AP2A1: variants seen among roughly 807,000 people sequenced by gnomAD.
The protein encoded by AP2A1 is adaptor related protein complex 2 subunit alpha 1.
Under a neutral mutation model 107.3 loss-of-function variants are expected in AP2A1, and 21 were observed. The ratio of observed to expected loss-of-function variants is 0.20; its 90% CI spans 0.14 to 0.28. The LOEUF is 0.28. Ranked by LOEUF, AP2A1 falls within the 10% of genes least tolerant of loss-of-function variation. The pLI is 1.00. For missense variants in AP2A1, 873 were observed against 1,307.7 expected, an observed-to-expected ratio of 0.67 and a Z score of 5.13; for synonymous variants, 602 against 564.8, an observed-to-expected ratio of 1.07 and a Z score of -0.93.
In AP2A1 at chr19:49,781,440, G is replaced by C. The variant is rs529606968; in HGVS notation, c.68-317G>C. On this transcript the variant is annotated intron_variant, in intron 1 of 22. Coordinates refer to ENST00000354293, the MANE Select transcript of AP2A1 (RefSeq NM_130787.3). ...CATGTTCATCGCATGTGGGGAGTGG[G>C]GACAGGAGCTCTCAGGGAGCGTGTC... 2.6e-5 allele frequency among the ~76,000 whole-genome samples: 4 copies of C among 152,268 alleles called. No individual in the cohort carries two copies. In the South Asian group the frequency reaches 8.3e-4, roughly 32 times the overall value.
intron 15 of AP2A1, chr19:49,802,678 C>A: frequency 7.4e-7 from 1 of 1,350,384 alleles, no homozygotes; most frequent in South Asian, 1.5e-5. Flanking sequence ...GGACTGGGAG[C>A]CCTCGTCAAC....
chr19:49,778,654 GC>G (rs2084641498), intron 1 of AP2A1, among the ~76,000 whole-genome samples: 2 of 152,130 alleles, frequency 1.3e-5, no homozygotes, highest in Admixed American at 1.3e-4. Context: ...AAGTATTTGT[GC>G]ATCTAAACAT....
chr19:49,805,239 A>G (rs2073348782), intron 18 of AP2A1: 1 of 531,318 alleles, frequency 1.9e-6, no homozygotes, highest in Non-Finnish European at 3.3e-6. Context: ...GCGGTGTGAC[A>G]TTGTGGAAGG....
intron 4 of AP2A1, among the ~76,000 whole-genome samples, chr19:49,790,654 C>T (rs992161921): frequency 1.3e-5 from 2 of 152,230 alleles, no homozygotes; most frequent in Non-Finnish European, 2.9e-5. Flanking sequence ...CCCACCTCAG[C>T]CTCCTAAAGT....
At chr19:49,794,810 G>A (rs1006443917) in intron 6 of AP2A1, among the ~76,000 whole-genome samples, 11 of 152,130 alleles carry the variant, frequency 7.2e-5, no homozygotes, top group African/African-American at 2.7e-4. Flanking sequence ...TCACAGGCAT[G>A]TGCCACCACG....
chr19:49,806,122 C>T lies in AP2A1; in HGVS notation c.2659C>T (p.Leu887=), dbSNP rs2073377029. The change falls in exon 22 of 23, where the codon CTG becomes TTG. Residue 887 remains leucine (L), a synonymous_variant. Coordinates refer to ENST00000354293, the MANE Select transcript of AP2A1 (RefSeq NM_130787.3). ...MDAEVTKAKL[L]GFGSALLDNV... The stretch of plus-strand genomic sequence containing the variant: ...ACGGCGCCCCCCCTCCTCCCAGCTT[C>T]TGGGGTTTGGCTCTGCTCTCCTGGA... The T allele has an allele frequency of 1.3e-6, 2 of 1,567,566 alleles. No homozygotes were observed. The highest frequency in any genetic ancestry group is 1.7e-6 in the Non-Finnish European group (2 of 1,155,882).
chr19:49,787,367 T>TTTG (rs2084754616), intron 4 of AP2A1, among the ~76,000 whole-genome samples: 1 of 137,924 alleles, frequency 7.3e-6, no homozygotes, highest in Non-Finnish European at 1.5e-5. Flanking sequence ...TTTTTTTTTT[T>TTTG]GAGGCAGTCT....
intron 15 of AP2A1, chr19:49,802,563 C>A (rs1272362952): frequency 2.5e-6 from 4 of 1,606,098 alleles, no homozygotes; most frequent in African/African-American, 2.7e-5. Flanking sequence ...CCCGAGAGCC[C>A]CATGGCTTTG....
chr19:49,767,302 G>A, intron 1 of AP2A1, 102 bp downstream of exon 1: 1 of 1,439,428 alleles, frequency 6.9e-7, no homozygotes, highest in Non-Finnish European at 9.5e-7. Context: ...AAAAGCCTCT[G>A]CGGCCGTATA....
At chr19:49,806,579 C>T (rs2073393053) in intron 22 of AP2A1, 102 bp from the exon 23 acceptor site, 5 of 1,550,634 alleles carry the variant, frequency 3.2e-6, no homozygotes, top group Non-Finnish European at 4.3e-6. Context: ...CTTGTATCAC[C>T]TTTCTGGCCC....
At chr19:49,770,245 C>A (rs1487898428) in intron 1 of AP2A1, among the ~76,000 whole-genome samples, 1 of 152,032 alleles carries the variant, frequency 6.6e-6, no homozygotes, top group South Asian at 2.1e-4. Context: ...GGAAAGAGAT[C>A]GTCCCGTCAC....
At chr19:49,784,431 CAA>C (rs112357042) in intron 4 of AP2A1, among the ~76,000 whole-genome samples, 5 of 108,146 alleles carry the variant, frequency 4.6e-5, no homozygotes, top group Admixed American at 9.2e-5. Context: ...GACTCTGTCT[CAA>C]AAAAAAAAAA....
In AP2A1 at chr19:49,781,757, G is replaced by T; in HGVS notation, c.68G>T (p.Cys23Phe). 1 of 1,591,346 alleles carries T rather than the reference G, an allele frequency of 6.3e-7. No homozygotes were observed. The highest frequency in any genetic ancestry group is 8.6e-7 in the Non-Finnish European group (1 of 1,168,936). ...GCCTACCCTCCTCCTCCTCTCCCAGGTAAGAGCAAAGAGGCGGAAATTAAG... is the reference window on the plus strand; with the variant it reads ...GCCTACCCTCCTCCTCCTCTCCCAGTTAAGAGCAAAGAGGCGGAAATTAAG... ...LAVFISDIRN[C>F]KSKEAEIKRI... The change falls in exon 2 of 23, where the codon TGT becomes TTT. Residue 23 changes from cysteine to phenylalanine, a missense_variant and splice_region_variant. Cys to Phe is a radical substitution (Grantham distance 205, BLOSUM62 -2). Transcript: ENST00000354293.
intron 21 of AP2A1, 29 bp downstream of exon 21, chr19:49,805,970 C>CT (rs749194715): frequency 6.2e-7 from 1 of 1,613,428 alleles, no homozygotes; most frequent in South Asian, 1.1e-5. Flanking sequence ...GTTTGCCGGC[C>CT]TATGGCTGCT....
At position 49,803,387 on chromosome 19, in the gene AP2A1, A is replaced by G. The variant is rs2073317550; in HGVS notation, c.2344+11A>G. On this transcript the variant is annotated intron_variant, in intron 18 of 22. Transcript: ENST00000354293. The stretch of plus-strand genomic sequence containing the variant: ...GAGACCTCCAGACTCATATCCTCTC[A>G]GGCCCGGCCCAGCCTCCTGCCTCTC... The G allele has an allele frequency of 1.2e-6, 2 of 1,610,628 alleles. No homozygotes were observed. Among genetic ancestry groups the G allele is most frequent in the Non-Finnish European group, 1.7e-6 (2 of 1,177,094 alleles).
chr19:49,767,281 C>A, intron 1 of AP2A1, 81 bp downstream of exon 1: 3 of 1,540,510 alleles, frequency 1.9e-6, no homozygotes, highest in Non-Finnish European at 8.9e-7. Flanking sequence ...CACAGAGGGA[C>A]CCGGGGGATC....
In AP2A1 at chr19:49,802,961, G is replaced by T; in HGVS notation, c.2127G>T (p.Glu709Asp). 2 of 1,613,148 alleles carry T rather than the reference G, an allele frequency of 1.2e-6. No individual in the cohort carries two copies. The highest frequency in any genetic ancestry group is 1.3e-5 in the African/African-American group (1 of 75,028). The change falls in exon 16 of 23, where the codon GAG (glutamate) becomes GAT (aspartate). Residue 709 changes from glutamate (E) to aspartate (D), a missense_variant. Glu to Asp is a conservative substitution (Grantham distance 45, BLOSUM62 2). Around this residue, in one of 4 missense-constraint regions of AP2A1, gnomAD observed 416 missense variants for 473.4 expected, o/e 0.88. Transcript: ENST00000354293. Reference protein sequence around the residue: ...PEEAFLSPGPEDIGPPIPEAD... With the variant: ...PEEAFLSPGPDDIGPPIPEAD... The stretch of plus-strand genomic sequence containing the variant: ...TCCATGCCTCCAGCCCAGGTCCTGA[G>T]GACATCGGCCCTCCCATTCCGGAAG...
chr19:49,806,304 C>A (rs1422554137), intron 22 of AP2A1, 51 bp downstream of exon 22: 3 of 1,535,500 alleles, frequency 2.0e-6, no homozygotes, highest in Non-Finnish European at 2.6e-6. Context: ...CGCCTGTCAT[C>A]TCTGCGTCCA....
At chr19:49,779,703 C>T (rs1194216481) in intron 1 of AP2A1, among the ~76,000 whole-genome samples, 1 of 152,194 alleles carries the variant, frequency 6.6e-6, no homozygotes, top group East Asian at 1.9e-4. Flanking sequence ...CATGCGTGAG[C>T]CACCACGCCT....
Sources: allele counts gnomAD v4.1 joint callset (sites outside exome capture counted in the v4.1 genomes callset), GRCh38; gene constraint gnomAD v4.1.1; regional missense constraint gnomAD v4.1.1; transcripts MANE v1.5; gene names NCBI Gene and HGNC (gene_info 2026-07-23, HGNC 2026-07-21).